Variants in DGKI observed in about 807,000 individuals in gnomAD.
The protein encoded by DGKI is diacylglycerol kinase iota, also known as DAG kinase iota.
In DGKI, 55 loss-of-function variants were observed where a neutral mutation model predicts 147.5. The ratio of observed to expected loss-of-function variants is 0.37; its 90% confidence interval spans 0.30 to 0.47. The LOEUF (loss-of-function observed/expected upper bound fraction) is 0.47. DGKI is among the 20% of genes least tolerant of loss of function. The pLI, the probability that DGKI is intolerant of heterozygous loss-of-function variation, is 1.00. For missense variants in DGKI, 1,007 were observed against 1,323.8 expected, an observed-to-expected ratio of 0.76 and a Z score of 3.71; for synonymous variants, 469 against 477.1, an observed-to-expected ratio of 0.98 and a Z score of 0.22.
intron 8 of DGKI, among the ~76,000 whole-genome samples, chr7:137,615,529 G>GCA (rs1300513630): frequency 1.5e-5 from 2 of 135,900 alleles, no homozygotes; most frequent in Admixed American, 1.5e-4. Context: ...GTATATGTAT[G>GCA]TATGTGTGTG....
intron 28 of DGKI, among the ~76,000 whole-genome samples, chr7:137,431,844 C>T (rs1254849223): frequency 6.6e-6 from 1 of 152,182 alleles, no homozygotes; most frequent in Non-Finnish European, 1.5e-5. Flanking sequence ...GCCAACCCTA[C>T]CACCCATTCG....
chr7:137,730,012 G>A (rs1378155305), intron 1 of DGKI, among the ~76,000 whole-genome samples: 1 of 151,946 alleles, frequency 6.6e-6, no homozygotes, highest in East Asian at 1.9e-4. Flanking sequence ...AGTTTGAAAT[G>A]AGATACAGGG....
chr7:137,504,380 G>A (rs10277326), intron 21 of DGKI, among the ~76,000 whole-genome samples: 3,972 of 152,232 alleles, frequency 0.026, 78 homozygotes, highest in South Asian at 0.071. Flanking sequence ...TTATAAGAAC[G>A]TGTGATACCT....
chr7:137,475,240 G>A (rs910406074), intron 23 of DGKI, among the ~76,000 whole-genome samples: 1 of 152,120 alleles, frequency 6.6e-6, no homozygotes, highest in Admixed American at 6.5e-5. Flanking sequence ...GGACAAATTT[G>A]TATGAGTGAA....
chr7:137,442,404 A>T (rs1273473754), intron 28 of DGKI, among the ~76,000 whole-genome samples: 1 of 152,122 alleles, frequency 6.6e-6, no homozygotes, highest in African/African-American at 2.4e-5. Flanking sequence ...TCCCTCACCC[A>T]CCATTTTTGT....
At chr7:137,802,193 G>A (rs1295285834) in intron 1 of DGKI, among the ~76,000 whole-genome samples, 1 of 152,090 alleles carries the variant, frequency 6.6e-6, no homozygotes, top group African/African-American at 2.4e-5. Flanking sequence ...GCTATGAGGA[G>A]GCAAAGACAT....
rs191320352 is a variant in DGKI at position 137,455,188 on chromosome 7, T to C, written c.2735+8301A>G. Among the ~76,000 whole-genome samples, 13 of 152,198 alleles carry C rather than the reference T, an allele frequency of 8.5e-5. No individual in the cohort carries two copies. The East Asian group carries it at 1.7e-3, about 20-fold the overall frequency. On this transcript the variant is annotated intron_variant, in intron 27 of 32. Transcript: ENST00000614521. ...GATAACTGTAACATACCCCAGCAGC[T>C]TTCTGACAACATCTCCTCCCACCCC...
chr7:137,441,420 CAAAA>C (rs538892825), intron 28 of DGKI, among the ~76,000 whole-genome samples: 1 of 67,554 alleles, frequency 1.5e-5, no homozygotes, highest in African/African-American at 5.1e-5. Context: ...GACTCCGTCT[CAAAA>C]AAAAAAAAAA....
At chr7:137,681,417 A>C (rs1333498932) in intron 2 of DGKI, among the ~76,000 whole-genome samples, 1 of 152,218 alleles carries the variant, frequency 6.6e-6, no homozygotes. Flanking sequence ...AAAAAGTAGA[A>C]AGGCACTTCT....
At position 137,490,581 on chromosome 7, in the gene DGKI, C is replaced by T. The variant is rs1049839176; in HGVS notation, c.2249-2892G>A. Among the ~76,000 whole-genome samples the T allele has an allele frequency of 3.9e-5, 6 of 152,144 alleles. No individual in the cohort carries two copies. In the South Asian group the frequency reaches 8.3e-4, roughly 21 times the overall value. Reference sequence around the variant, plus strand: ...CTCTTCCTGCCATGTAAAAAAACAACGTAGTAGAAAAATATTGTAATCTGA... The same window carrying T: ...CTCTTCCTGCCATGTAAAAAAACAATGTAGTAGAAAAATATTGTAATCTGA... On this transcript the variant is annotated intron_variant, in intron 21 of 32. Transcript: ENST00000614521.
At chr7:137,843,005 G>C (rs996224024) in intron 1 of DGKI, among the ~76,000 whole-genome samples, 1 of 152,186 alleles carries the variant, frequency 6.6e-6, no homozygotes, top group African/African-American at 2.4e-5. Flanking sequence ...GGTCTAAAGA[G>C]ACAGTCCTTT....
intron 3 of DGKI, among the ~76,000 whole-genome samples, chr7:137,674,142 T>A (rs958262232): frequency 6.6e-6 from 1 of 152,220 alleles, no homozygotes; most frequent in South Asian, 2.1e-4. Flanking sequence ...AAAGAAACAG[T>A]TGCTAATTTG....
intron 1 of DGKI, among the ~76,000 whole-genome samples, chr7:137,715,863 T>C (rs3823552): frequency 0.54 from 81,918 of 151,960 alleles, 25,737 homozygotes; most frequent in African/African-American, 0.88. Flanking sequence ...AGAGGAGGAG[T>C]TCAGCCTGAG....
intron 1 of DGKI, among the ~76,000 whole-genome samples, chr7:137,710,917 G>A (rs945417030): frequency 6.6e-6 from 1 of 152,042 alleles, no homozygotes; most frequent in Admixed American, 6.5e-5. Context: ...CCCCCAAAAA[G>A]TGAACCAAAG....
intron 1 of DGKI, among the ~76,000 whole-genome samples, chr7:137,804,849 C>T (rs954673457): frequency 6.6e-6 from 1 of 152,186 alleles, no homozygotes; most frequent in Non-Finnish European, 1.5e-5. Flanking sequence ...TGTAGGCTTA[C>T]GGAGTTGAAT....
intron 1 of DGKI, among the ~76,000 whole-genome samples, chr7:137,714,300 A>G (rs1794309750): frequency 6.6e-6 from 1 of 152,244 alleles, no homozygotes; most frequent in Non-Finnish European, 1.5e-5. Context: ...AAAAATGTTT[A>G]AAAACATCTA....
At chr7:137,515,109 C>T (rs1816706102) in intron 21 of DGKI, among the ~76,000 whole-genome samples, 1 of 152,166 alleles carries the variant, frequency 6.6e-6, no homozygotes, top group Admixed American at 6.6e-5. Context: ...TTGGAACTTG[C>T]CATTTCCTCT....
At chr7:137,822,963 C>A (rs1445701385) in intron 1 of DGKI, among the ~76,000 whole-genome samples, 1 of 149,274 alleles carries the variant, frequency 6.7e-6, no homozygotes, top group Non-Finnish European at 1.5e-5. Flanking sequence ...AAAAAAAAAT[C>A]AGAGGAATAG....
chr7:137,425,402 T>C (rs1440384865), intron 28 of DGKI, among the ~76,000 whole-genome samples: 5 of 151,970 alleles, frequency 3.3e-5, no homozygotes, highest in African/African-American at 9.7e-5. Flanking sequence ...CATCTGTACA[T>C]CACCATCATC....
Sources: gnomAD v4.1 joint callset for allele counts (sites outside exome capture counted in the v4.1 genomes callset) on GRCh38, gnomAD v4.1.1 for gene constraint, MANE v1.5 for transcripts, NCBI Gene and HGNC (gene_info 2026-07-23, HGNC 2026-07-21) for gene names.